Variants in ADCY5 observed in about 807,000 individuals in gnomAD.
The protein encoded by ADCY5 is adenylate cyclase type 5.
In ADCY5, 30 loss-of-function variants were observed where a neutral mutation model predicts 119.7. The observed-to-expected ratio is 0.25, with a 90% CI of 0.19 to 0.34. The LOEUF is 0.34. ADCY5 is among the 10% of genes least tolerant of loss of function. The pLI is 1.00. For missense variants in ADCY5, 1,324 were observed against 1,775.2 expected, an observed-to-expected ratio of 0.75 and a Z score of 4.57; for synonymous variants, 753 against 762.2, an observed-to-expected ratio of 0.99 and a Z score of 0.20.
intron 1 of ADCY5, among the ~76,000 whole-genome samples, chr3:123,423,323 G>C (rs1296974117): frequency 6.6e-6 from 1 of 152,240 alleles, no homozygotes; most frequent in African/African-American, 2.4e-5. Context: ...CCCCTGCGGA[G>C]AAGGGGAAGC....
chr3:123,334,710 C>T (rs2108422980), intron 3 of ADCY5, among the ~76,000 whole-genome samples: 1 of 152,216 alleles, frequency 6.6e-6, no homozygotes, highest in East Asian at 1.9e-4. Context: ...TGCACTCCAG[C>T]CTGGGTGACA....
intron 3 of ADCY5, among the ~76,000 whole-genome samples, chr3:123,346,392 T>C (rs972768496): frequency 6.6e-5 from 10 of 152,148 alleles, no homozygotes; most frequent in Non-Finnish European, 1.5e-4. Context: ...CAGAGAAGCA[T>C]GGGGGGTTGG....
chr3:123,438,183 C>G (rs1392634302), intron 1 of ADCY5, among the ~76,000 whole-genome samples: 1 of 152,210 alleles, frequency 6.6e-6, no homozygotes, highest in Admixed American at 6.5e-5. Flanking sequence ...CACTAATGCC[C>G]TCCCCGCAGT....
At position 123,303,146 on chromosome 3, in the gene ADCY5, G is replaced by A. The variant is rs982933713; in HGVS notation, c.2633C>T (p.Ala878Val). The A allele has an allele frequency of 1.2e-6, 2 of 1,613,880 alleles. No individual in the cohort carries two copies. The highest frequency in any genetic ancestry group is 1.7e-6 in the Non-Finnish European group (2 of 1,180,028). ...GACGGCCGACTCCGCCACGTGACACGCGTTGACCTGGCTCGCGCTGATGTT... is the reference window on the plus strand; with the variant it reads ...GACGGCCGACTCCGCCACGTGACACACGTTGACCTGGCTCGCGCTGATGTT... ...EHNISASQVN[A>V]CHVAESAVNY... The change falls in exon 14 of 21, where the codon GCG (alanine) becomes GTG (valine). Residue 878 changes from alanine (A) to valine (V), a missense_variant. Ala to Val is a moderately conservative substitution (Grantham distance 64, BLOSUM62 0). Around this residue, in one of 6 missense-constraint regions of ADCY5, gnomAD observed 424 missense variants for 546.8 expected, o/e 0.78. Transcript: ENST00000462833.
intron 8 of ADCY5, among the ~76,000 whole-genome samples, chr3:123,324,460 A>G (rs1259162587): frequency 1.0e-5 from 1 of 96,006 alleles, no homozygotes; most frequent in Non-Finnish European, 2.1e-5. Flanking sequence ...ACACACACAC[A>G]CACACACACA....
chr3:123,326,741 C>T (rs143882978), intron 7 of ADCY5, among the ~76,000 whole-genome samples: 1,876 of 152,306 alleles, frequency 0.012, 34 homozygotes, highest in African/African-American at 0.044. Flanking sequence ...GAAGGGCCCC[C>T]GAGCCAGGAT....
intron 9 of ADCY5, among the ~76,000 whole-genome samples, chr3:123,320,211 G>C (rs1406076216): frequency 6.6e-6 from 1 of 152,374 alleles, no homozygotes; most frequent in South Asian, 2.1e-4. Context: ...CAGGCAGTGA[G>C]AGTTTCTGCC....
At chr3:123,364,518 G>T (rs1576626600) in intron 1 of ADCY5, among the ~76,000 whole-genome samples, 1 of 152,152 alleles carries the variant, frequency 6.6e-6, no homozygotes, top group South Asian at 2.1e-4. Context: ...GGCAGAGGAA[G>T]AAGAGTCCAG....
At chr3:123,356,283 G>T (rs1323002485) in intron 1 of ADCY5, among the ~76,000 whole-genome samples, 2 of 151,920 alleles carry the variant, frequency 1.3e-5, no homozygotes, top group African/African-American at 4.8e-5. Context: ...AATAACAAAA[G>T]AAAAAAATAA....
Position 123,327,689 on chromosome 3 carries a change from C to T in ADCY5, c.1876G>A (p.Gly626Ser), listed in dbSNP as rs1350109265. 1 of 1,614,088 alleles carries T rather than the reference C, an allele frequency of 6.2e-7. No individual in the cohort carries two copies. Among genetic ancestry groups the T allele is most frequent in the South Asian group, 1.1e-5 (1 of 91,066 alleles). Residue 626 changes from glycine (G) to serine (S), a missense_variant, in exon 7 of 21, where the codon GGC becomes AGC. Gly to Ser is a moderately conservative substitution (Grantham distance 56). This residue lies in a region of ADCY5 where 424 missense variants were observed against 546.8 expected (regional missense o/e 0.78). Coordinates refer to ENST00000462833, the MANE Select transcript of ADCY5 (RefSeq NM_183357.3). Reference sequence around the variant, plus strand: ...TCCTTGAGGTAGGCGTTGCGCTCGCCCCCACAGCCTGGCTCCACCTCGTAG... The same window carrying T: ...TCCTTGAGGTAGGCGTTGCGCTCGCTCCCACAGCCTGGCTCCACCTCGTAG... ...GDYEVEPGCG[G>S]ERNAYLKEHS...
At chr3:123,359,591 C>T (rs1559835650) in intron 1 of ADCY5, among the ~76,000 whole-genome samples, 2 of 151,786 alleles carry the variant, frequency 1.3e-5, no homozygotes, top group Admixed American at 1.3e-4. Flanking sequence ...GCAATCACCC[C>T]AATGAAGTGC....
At chr3:123,341,417 C>T (rs1942273956) in intron 3 of ADCY5, among the ~76,000 whole-genome samples, 2 of 151,974 alleles carry the variant, frequency 1.3e-5, no homozygotes, top group Admixed American at 6.6e-5. Flanking sequence ...ACATGAGCTA[C>T]CTAGAGTAGT....
intron 1 of ADCY5, among the ~76,000 whole-genome samples, chr3:123,430,183 A>G (rs1945494293): frequency 6.6e-6 from 1 of 152,238 alleles, no homozygotes. Flanking sequence ...AAGATAAACT[A>G]GACCTGTTCC....
At chr3:123,396,532 A>AAAAGAAAG (rs370071235) in intron 1 of ADCY5, among the ~76,000 whole-genome samples, 26 of 137,896 alleles carry the variant, frequency 1.9e-4, no homozygotes, top group African/African-American at 6.6e-4. Flanking sequence ...AGAGAGAAAG[A>AAAAGAAAG]AAAGAAAGAA....
At chr3:123,368,735 G>C (rs1165173608) in intron 1 of ADCY5, among the ~76,000 whole-genome samples, 1 of 144,950 alleles carries the variant, frequency 6.9e-6, no homozygotes, top group African/African-American at 2.6e-5. Context: ...GTGGGTGACA[G>C]AGCAAGACTG....
At chr3:123,361,671 G>A (rs998253920) in intron 1 of ADCY5, among the ~76,000 whole-genome samples, 3 of 152,116 alleles carry the variant, frequency 2.0e-5, no homozygotes, top group African/African-American at 7.2e-5. Flanking sequence ...TCCTTTATCC[G>A]AAATGCTAGG....
intron 1 of ADCY5, among the ~76,000 whole-genome samples, chr3:123,396,505 G>GAGAAAGAA (rs201253191): frequency 8.9e-6 from 1 of 112,540 alleles, no homozygotes; most frequent in East Asian, 2.5e-4. Flanking sequence ...GGGAAAATAA[G>GAGAAAGAA]AGAAAGAAAG....
intron 1 of ADCY5, among the ~76,000 whole-genome samples, chr3:123,396,819 C>CGAGA (rs146072347): frequency 0.015 from 908 of 62,004 alleles, 37 homozygotes; most frequent in African/African-American, 0.034. Context: ...GGCAGGCAGG[C>CGAGA]GAGAGAGAGA....
chr3:123,285,317 G>A (rs184052630), intron 20 of ADCY5, among the ~76,000 whole-genome samples: 1 of 152,252 alleles, frequency 6.6e-6, no homozygotes, highest in East Asian at 1.9e-4. Context: ...TAAATGGCAG[G>A]GCCTGTGCTT....
Sources: gnomAD v4.1 joint callset for allele counts (sites outside exome capture counted in the v4.1 genomes callset) on GRCh38, gnomAD v4.1.1 for gene constraint, gnomAD v4.1.1 regional missense constraint, MANE v1.5 for transcripts, NCBI Gene and HGNC (gene_info 2026-07-23, HGNC 2026-07-21) for gene names.